Variants in THSD4 observed in about 807,000 individuals in gnomAD.
THSD4 encodes thrombospondin type-1 domain-containing protein 4.
A neutral mutation model predicts 119.0 loss-of-function variants in THSD4; 69 were observed. The ratio of observed to expected loss-of-function variants is 0.58; its 90% CI spans 0.48 to 0.71. The LOEUF (loss-of-function observed/expected upper bound fraction) is 0.71. THSD4 is among the 30% of genes least tolerant of loss of function. The pLI, the probability that THSD4 is intolerant of heterozygous loss-of-function variation, is 0.00. For synonymous variants in THSD4, 524 were observed against 540.4 expected, an observed-to-expected ratio of 0.97 and a Z score of 0.42; for missense variants, 1,393 against 1,391.1, an observed-to-expected ratio of 1.00 and a Z score of -0.02.
intron 7 of THSD4, among the ~76,000 whole-genome samples, chr15:71,425,301 A>G (rs529408391): frequency 6.6e-6 from 1 of 152,344 alleles, no homozygotes; most frequent in Admixed American, 6.5e-5. Flanking sequence ...CATAGGGTTT[A>G]TTATTAATAT....
chr15:71,223,220 G>A lies in THSD4; in HGVS notation c.464+7821G>A, dbSNP rs113303830. On this transcript the variant is annotated intron_variant, in intron 4 of 17. Transcript: ENST00000261862. ...TCAGGGAGTAAATATCTCCTTCAAG[G>A]TCACGCAGAAGGCAAGCAAGAGAGC... 3.3e-4 allele frequency among the ~76,000 whole-genome samples: 51 copies of A among 152,260 alleles called. No homozygotes were observed. The East Asian group carries it at 4.2e-3, about 13-fold the overall frequency.
chr15:71,602,023 G>A (rs1407431242), intron 7 of THSD4, among the ~76,000 whole-genome samples: 1 of 152,148 alleles, frequency 6.6e-6, no homozygotes, highest in African/African-American at 2.4e-5. Flanking sequence ...TGATGTAGGA[G>A]GTGGGATTTC....
intron 7 of THSD4, among the ~76,000 whole-genome samples, chr15:71,593,804 T>A (rs1166792423): frequency 1.3e-5 from 2 of 151,952 alleles, no homozygotes; most frequent in Non-Finnish European, 2.9e-5. Flanking sequence ...CTTGGGAGGC[T>A]GAGGTGGGAA....
intron 4 of THSD4, among the ~76,000 whole-genome samples, chr15:71,218,853 T>A (rs73433433): frequency 1.6e-4 from 24 of 152,342 alleles, no homozygotes; most frequent in Admixed American, 5.2e-4. Context: ...GGAAACTTCA[T>A]TGGAGTCAGA....
At chr15:71,757,037 T>A (rs915197462) in intron 14 of THSD4, among the ~76,000 whole-genome samples, 1 of 152,214 alleles carries the variant, frequency 6.6e-6, no homozygotes, top group African/African-American at 2.4e-5. Context: ...AAGCCCCTTA[T>A]ACCATTTACT....
intron 7 of THSD4, among the ~76,000 whole-genome samples, chr15:71,468,380 C>G (rs1338784341): frequency 6.6e-6 from 1 of 152,224 alleles, no homozygotes; most frequent in African/African-American, 2.4e-5. Context: ...CCTTCCTGCA[C>G]ATGCTCTCTC....
chr15:71,428,796 C>A (rs1431717378), intron 7 of THSD4, among the ~76,000 whole-genome samples: 1 of 152,112 alleles, frequency 6.6e-6, no homozygotes. Flanking sequence ...TTGATAATTT[C>A]TTTTTTAATG....
intron 6 of THSD4, among the ~76,000 whole-genome samples, chr15:71,264,501 CA>C (rs2044441890): frequency 6.6e-6 from 1 of 152,160 alleles, no homozygotes. Flanking sequence ...TTTGTGAAAA[CA>C]AAATGATGAT....
At chr15:71,670,629 T>C (rs1429408452) in intron 8 of THSD4, among the ~76,000 whole-genome samples, 1 of 151,886 alleles carries the variant, frequency 6.6e-6, no homozygotes, top group African/African-American at 2.4e-5. Context: ...GTATATCTCC[T>C]AATGCTATCC....
chr15:71,456,806 C>T (rs766115988), intron 7 of THSD4, among the ~76,000 whole-genome samples: 1 of 152,154 alleles, frequency 6.6e-6, no homozygotes, highest in Non-Finnish European at 1.5e-5. Context: ...ATTTTCCCTT[C>T]AAAAATCCAT....
At chr15:71,116,348 G>A (rs576124341) in intron 1 of THSD4, among the ~76,000 whole-genome samples, 1 of 152,254 alleles carries the variant, frequency 6.6e-6, no homozygotes, top group African/African-American at 2.4e-5. Flanking sequence ...TGCACAGCGA[G>A]CTCACCTTGG....
intron 7 of THSD4, among the ~76,000 whole-genome samples, chr15:71,537,767 T>A (rs1047820634): frequency 2.0e-4 from 31 of 152,094 alleles, no homozygotes; most frequent in South Asian, 2.1e-4. Context: ...TTTATTTTTT[T>A]ATTTTTATTT....
intron 1 of THSD4, among the ~76,000 whole-genome samples, chr15:71,105,141 G>A (rs923109830): frequency 6.6e-6 from 1 of 152,116 alleles, no homozygotes; most frequent in African/African-American, 2.4e-5. Context: ...CTGTTGAGGG[G>A]CTTAGGATTT....
intron 3 of THSD4, among the ~76,000 whole-genome samples, chr15:71,200,480 G>T (rs2043794366): frequency 6.6e-6 from 1 of 152,234 alleles, no homozygotes; most frequent in East Asian, 1.9e-4. Flanking sequence ...AAAGGAAAGA[G>T]AATCTGAGAA....
intron 6 of THSD4, among the ~76,000 whole-genome samples, chr15:71,337,990 T>C (rs2045510355): frequency 6.6e-6 from 1 of 152,144 alleles, no homozygotes; most frequent in Non-Finnish European, 1.5e-5. Context: ...ACTGGAAAAA[T>C]GTATGTAAAA....
intron 3 of THSD4, among the ~76,000 whole-genome samples, chr15:71,191,913 T>C (rs1315579210): frequency 5.3e-5 from 8 of 151,250 alleles, no homozygotes; most frequent in African/African-American, 7.3e-5. Flanking sequence ...TCTTTTTTTT[T>C]TTTTTTTGAG....
At chr15:71,122,928 C>T (rs996481806) in intron 1 of THSD4, among the ~76,000 whole-genome samples, 4 of 152,196 alleles carry the variant, frequency 2.6e-5, no homozygotes, top group Non-Finnish European at 4.4e-5. Flanking sequence ...AAGAGTGGTC[C>T]GTGCTGCTCA....
rs1327573549 is a variant in THSD4 at position 71,154,223 on chromosome 15, AC to A, written c.30-637del. ...CCTGGCTCCATGCCCTCTCCAGCAC[AC>A]CCTGCTGTCTCAGCCGGCTCCTATT... On this transcript the variant is annotated intron_variant, in intron 2 of 17. Transcript: ENST00000261862. Among the ~76,000 whole-genome samples the A allele has an allele frequency of 2.0e-5, 3 of 152,230 alleles. No individual in the cohort carries two copies. In the East Asian group the frequency reaches 5.8e-4, roughly 29 times the overall value.
chr15:71,429,671 C>T (rs983136136), intron 7 of THSD4, among the ~76,000 whole-genome samples: 1 of 152,138 alleles, frequency 6.6e-6, no homozygotes, highest in African/African-American at 2.4e-5. Context: ...ATCAAAGTGC[C>T]ACATTTTGGG....
Sources: gnomAD v4.1 joint callset for allele counts (sites outside exome capture counted in the v4.1 genomes callset) on GRCh38, gnomAD v4.1.1 for gene constraint, MANE v1.5 for transcripts, NCBI Gene and HGNC (gene_info 2026-07-23, HGNC 2026-07-21) for gene names.